The following CNOT1 variants were observed in gnomAD, a reference collection of about 807,000 sequenced individuals.
CNOT1 encodes CCR4-NOT transcription complex subunit 1, also known as CCR4-associated factor 1.
CNOT1 carries 15 observed loss-of-function variants against 273.8 expected under a neutral mutation model. The ratio of observed to expected loss-of-function variants is 0.05; its 90% CI spans 0.04 to 0.08. The LOEUF (loss-of-function observed/expected upper bound fraction) is 0.08, where lower values mean the gene tolerates loss of function less well. Among genes scored for constraint, CNOT1 ranks in the 10% least tolerant of loss-of-function variants. The pLI is 1.00. For missense variants in CNOT1, 1,644 were observed against 2,912.2 expected, an observed-to-expected ratio of 0.56 and a Z score of 10.02; for synonymous variants, 1,022 against 1,005.5, an observed-to-expected ratio of 1.02 and a Z score of -0.31.
chr16:58,526,962 C>T (rs997024561), intron 44 of CNOT1, among the ~76,000 whole-genome samples: 1 of 152,146 alleles, frequency 6.6e-6, no homozygotes, highest in Non-Finnish European at 1.5e-5. Context: ...GCACAGGAGC[C>T]TGAGGCTGAA....
chr16:58,555,653 C>A, intron 20 of CNOT1, 116 bp from the exon 21 acceptor site: 1 of 1,538,994 alleles, frequency 6.5e-7, no homozygotes, highest in East Asian at 2.3e-5. Flanking sequence ...GAGCTTGAGA[C>A]AAATATTAAG....
At chr16:58,570,806 G>A (rs2041244255) in intron 16 of CNOT1, among the ~76,000 whole-genome samples, 2 of 151,908 alleles carry the variant, frequency 1.3e-5, no homozygotes, top group South Asian at 4.2e-4. Context: ...TAATACCCAA[G>A]GCAACCACTA....
At chr16:58,626,165 C>G (rs773804885) in intron 1 of CNOT1, among the ~76,000 whole-genome samples, 2 of 151,584 alleles carry the variant, frequency 1.3e-5, no homozygotes, top group Admixed American at 1.3e-4. Flanking sequence ...CCCAGCACTT[C>G]GGGAGACTGA....
chr16:58,539,595 C>G (rs184490103), intron 35 of CNOT1, among the ~76,000 whole-genome samples, 173 bp downstream of exon 35: 1 of 148,596 alleles, frequency 6.7e-6, no homozygotes, highest in African/African-American at 2.5e-5. Context: ...GTTTACCATT[C>G]AAAACTGCCA....
chr16:58,587,062 T>C, intron 6 of CNOT1, 139 bp downstream of exon 6: 2 of 1,214,570 alleles, frequency 1.6e-6, no homozygotes, highest in South Asian at 3.1e-5. Flanking sequence ...ACATTTATAT[T>C]ACATGTTTTT....
chr16:58,613,874 G>A lies in CNOT1; in HGVS notation c.-174-14363C>T, dbSNP rs2042984749. ...GAGGCCGAGGCGGGTGGATCACGAGGTCAGGAGATAGGGACCATCCTGGCT... is the reference window on the plus strand; with the variant it reads ...GAGGCCGAGGCGGGTGGATCACGAGATCAGGAGATAGGGACCATCCTGGCT... On this transcript the variant is annotated intron_variant, in intron 1 of 48. Transcript: ENST00000317147. 3.3e-5 allele frequency among the ~76,000 whole-genome samples: 4 copies of A among 121,010 alleles called. 2 individuals carry two copies. Among genetic ancestry groups the A allele is most frequent in the African/African-American group, 5.6e-5 (2 of 36,022 alleles). 79.4% of individuals were successfully genotyped at this position (121,010 alleles called of 152,430 possible).
At chr16:58,574,218 G>A (rs1303226827) in intron 16 of CNOT1, among the ~76,000 whole-genome samples, 1 of 151,982 alleles carries the variant, frequency 6.6e-6, no homozygotes, top group East Asian at 1.9e-4. Flanking sequence ...TGAGGTTGCA[G>A]TAAGCTATGA....
chr16:58,550,675 TAA>T (rs886334814), intron 24 of CNOT1, among the ~76,000 whole-genome samples: 2 of 151,768 alleles, frequency 1.3e-5, no homozygotes, highest in African/African-American at 4.8e-5. Flanking sequence ...TCTGGGGGAG[TAA>T]AAAGTTATAA....
chr16:58,597,835 C>T (rs929351520), intron 2 of CNOT1: 5 of 406,630 alleles, frequency 1.2e-5, no homozygotes, highest in African/African-American at 4.2e-5. Context: ...AGTCGAGCCC[C>T]AGGACCATGA....
At chr16:58,597,779 C>T (rs2042314602) in intron 2 of CNOT1, 4 of 494,374 alleles carry the variant, frequency 8.1e-6, no homozygotes, top group Non-Finnish European at 1.6e-5. Context: ...GGGCCCAAGG[C>T]TCTGATAAAG....
chr16:58,576,676 A>T, intron 13 of CNOT1, 94 bp from the exon 14 acceptor site: 1 of 1,545,550 alleles, frequency 6.5e-7, no homozygotes. Flanking sequence ...GAACTTGTAT[A>T]AAAATCAGGT....
chr16:58,549,098 G>A (rs558629781), intron 25 of CNOT1, among the ~76,000 whole-genome samples: 2 of 152,090 alleles, frequency 1.3e-5, no homozygotes, highest in Non-Finnish European at 2.9e-5. Context: ...GGACCAGCCT[G>A]GCCAATATGA....
At chr16:58,549,940 T>A in intron 24 of CNOT1, 42 bp from the exon 25 acceptor site, 1 of 1,607,606 alleles carries the variant, frequency 6.2e-7, no homozygotes, top group Non-Finnish European at 8.5e-7. Flanking sequence ...AATTACACTA[T>A]GATAAAATAA....
chr16:58,535,280 A>G (rs1017549464), intron 39 of CNOT1, among the ~76,000 whole-genome samples: 1 of 152,226 alleles, frequency 6.6e-6, no homozygotes, highest in African/African-American at 2.4e-5. Context: ...GGACTACGAT[A>G]ATACTGTACC....
chr16:58,619,129 A>T lies in CNOT1; in HGVS notation c.-175+10599T>A, dbSNP rs1216449940. ...GGTGGGAGGATGGCTTGAACTCAGGAGGTCATGGTTGCAGTGAGCCATGAT... is the reference window on the plus strand; with the variant it reads ...GGTGGGAGGATGGCTTGAACTCAGGTGGTCATGGTTGCAGTGAGCCATGAT... On this transcript the variant is annotated intron_variant, in intron 1 of 48. Transcript: ENST00000317147. 2.0e-5 allele frequency among the ~76,000 whole-genome samples: 3 copies of T among 152,140 alleles called. No homozygotes were observed. The East Asian group carries it at 5.9e-4, about 30-fold the overall frequency.
intron 1 of CNOT1, among the ~76,000 whole-genome samples, chr16:58,622,093 A>G (rs2043350914): frequency 1.3e-5 from 2 of 151,200 alleles, no homozygotes; most frequent in African/African-American, 2.4e-5. Context: ...CGGGTGGATC[A>G]CGAGGTCAGG....
intron 10 of CNOT1, 125 bp downstream of exon 10, chr16:58,582,668 A>G (rs768970513): frequency 1.5e-6 from 1 of 646,256 alleles, no homozygotes; most frequent in Non-Finnish European, 2.7e-6. Flanking sequence ...CCTGCAGTAC[A>G]CAATTAACTT....
rs568410783 is a variant in CNOT1, at chr16:58,586,753, A to G, written c.434-5T>C. ...TCTGTTTGATAAACTGGGCAGCTAG[A>G]AGTCAGGTAAACCAAAAACCGCAAG... On this transcript the variant is annotated splice_polypyrimidine_tract_variant and splice_region_variant and intron_variant, in intron 6 of 48. Coordinates refer to ENST00000317147, the MANE Select transcript of CNOT1 (RefSeq NM_016284.5). 6.2e-7 allele frequency: 1 copy of G among 1,611,912 alleles called. No homozygotes were observed. Among genetic ancestry groups the G allele is most frequent in the South Asian group, 1.1e-5 (1 of 91,016 alleles).
At chr16:58,582,228 G>A (rs368985182) in intron 10 of CNOT1, among the ~76,000 whole-genome samples, 2 of 152,086 alleles carry the variant, frequency 1.3e-5, no homozygotes, top group African/African-American at 4.8e-5. Flanking sequence ...GGAGCCAGAG[G>A]GTGCAGTGAG....
Sources: allele counts gnomAD v4.1 joint callset (sites outside exome capture counted in the v4.1 genomes callset), GRCh38; gene constraint gnomAD v4.1.1; transcripts MANE v1.5; gene names NCBI Gene and HGNC (gene_info 2026-07-23, HGNC 2026-07-21).